The following NCOA5 variants were observed in gnomAD, a reference collection of about 807,000 sequenced individuals.
NCOA5 encodes the protein NCoA-5.
Under a neutral mutation model 59.0 loss-of-function variants are expected in NCOA5, and 12 were observed. That is an observed-to-expected ratio of 0.20 (90% CI 0.13 to 0.33). The LOEUF is 0.33. NCOA5 is among the 10% of genes least tolerant of loss of function. The probability of loss-of-function intolerance (pLI) is 1.00; values close to 1 mark genes in which losing one functional copy is unlikely to be tolerated. For synonymous variants in NCOA5, 270 were observed against 275.5 expected, an observed-to-expected ratio of 0.98 and a Z score of 0.20; for missense variants, 655 against 766.6, an observed-to-expected ratio of 0.85 and a Z score of 1.72.
chr20:46,068,527 G>T lies in NCOA5; in HGVS notation c.477C>A (p.Gly159=). The T allele has an allele frequency of 6.2e-7, 1 of 1,612,976 alleles. No homozygotes were observed. Among genetic ancestry groups the T allele is most frequent in the Non-Finnish European group, 8.5e-7 (1 of 1,179,580 alleles). The change falls in exon 4 of 8, where the codon GGC becomes GGA. Residue 159 remains glycine (G), a synonymous_variant. Coordinates refer to ENST00000290231, the MANE Select transcript of NCOA5 (RefSeq NM_020967.3). ...CTTTTGCACGAGACTGACTTTCTGG[G>T]CCTGGAGGGCCCCGTCCATCAAAGC... ...RDSFDGRGPP[G]PESQSRAKER...
At chr20:46,077,080 G>A (rs909140724) in intron 2 of NCOA5, among the ~76,000 whole-genome samples, 1 of 152,078 alleles carries the variant, frequency 6.6e-6, no homozygotes, top group Non-Finnish European at 1.5e-5. Context: ...ATGACGCCCG[G>A]CTATTTTTTT....
At chr20:46,077,927 T>C (rs2084955221) in intron 2 of NCOA5, among the ~76,000 whole-genome samples, 1 of 152,182 alleles carries the variant, frequency 6.6e-6, no homozygotes, top group African/African-American at 2.4e-5. Context: ...TTCTGCAGGA[T>C]TTGTTTATGT....
At chr20:46,088,628 C>G (rs747135367) in intron 1 of NCOA5, among the ~76,000 whole-genome samples, 1 of 152,184 alleles carries the variant, frequency 6.6e-6, no homozygotes, top group African/African-American at 2.4e-5. Context: ...TCAGGCACAC[C>G]GGGTGCACCT....
At chr20:46,089,329 G>A (rs1049057091) in intron 1 of NCOA5, among the ~76,000 whole-genome samples, 1 of 152,240 alleles carries the variant, frequency 6.6e-6, no homozygotes, top group African/African-American at 2.4e-5. Flanking sequence ...AGACGGTGGC[G>A]GGGGACAGCG....
intron 6 of NCOA5, 29 bp downstream of exon 6, chr20:46,065,000 T>C (rs1476430713): frequency 1.2e-6 from 2 of 1,612,114 alleles, no homozygotes. Context: ...AATGGACTAG[T>C]GACTACCTCC....
chr20:46,074,254 A>G (rs2084913225), intron 2 of NCOA5, among the ~76,000 whole-genome samples: 1 of 152,192 alleles, frequency 6.6e-6, no homozygotes, highest in Non-Finnish European at 1.5e-5. Flanking sequence ...ACAGCTAACA[A>G]AAGGGCAGTA....
intron 2 of NCOA5, among the ~76,000 whole-genome samples, chr20:46,071,183 C>A (rs1244038613): frequency 2.0e-5 from 3 of 147,834 alleles, no homozygotes; most frequent in Non-Finnish European, 4.5e-5. Flanking sequence ...AAAAAACAAC[C>A]TGAACAGTGA....
rs770951180 is a variant in NCOA5 at position 46,070,547 on chromosome 20, T to G, written c.39-11A>C. The stretch of plus-strand genomic sequence containing the variant: ...AAGCCATATGGATCCCTGTGGGAGG[T>G]AGCAAGAAAATGCTAAGACAAAGAA... On this transcript the variant is annotated splice_polypyrimidine_tract_variant and intron_variant, in intron 2 of 7. Coordinates refer to ENST00000290231, the MANE Select transcript of NCOA5 (RefSeq NM_020967.3). The G allele has an allele frequency of 1.9e-6, 3 of 1,606,790 alleles. No homozygotes were observed. Among genetic ancestry groups the G allele is most frequent in the South Asian group, 2.2e-5 (2 of 90,956 alleles).
chr20:46,084,867 C>G (rs2085030230), intron 1 of NCOA5, among the ~76,000 whole-genome samples: 1 of 152,146 alleles, frequency 6.6e-6, no homozygotes, highest in Non-Finnish European at 1.5e-5. Context: ...AAATTTTCAA[C>G]TAAACTGTAC....
chr20:46,083,462 ATTT>A (rs1273344094), intron 1 of NCOA5, among the ~76,000 whole-genome samples: 1 of 152,192 alleles, frequency 6.6e-6, no homozygotes, highest in African/African-American at 2.4e-5. Flanking sequence ...CACTTGTTCT[ATTT>A]TATAGAATGA....
At chr20:46,075,921 C>A (rs2145542369) in intron 2 of NCOA5, among the ~76,000 whole-genome samples, 2 of 152,202 alleles carry the variant, frequency 1.3e-5, no homozygotes, top group Middle Eastern at 6.8e-3. Context: ...CTTGGCTGGG[C>A]CAATATTGTC....
intron 2 of NCOA5, among the ~76,000 whole-genome samples, chr20:46,073,702 G>C (rs1331885412): frequency 6.6e-6 from 1 of 152,206 alleles, no homozygotes; most frequent in Non-Finnish European, 1.5e-5. Flanking sequence ...CCTTGGGCTG[G>C]TGGAAATCGG....
At chr20:46,074,563 A>T (rs1600626399) in intron 2 of NCOA5, among the ~76,000 whole-genome samples, 1 of 152,192 alleles carries the variant, frequency 6.6e-6, no homozygotes, top group Admixed American at 6.5e-5. Context: ...CAGGAGGGGG[A>T]AAAAGGCAAA....
In NCOA5 at chr20:46,068,541, G is replaced by A. The variant is rs1329477360; in HGVS notation, c.463C>T (p.Arg155Trp). Residue 155 changes from arginine to tryptophan, a missense_variant, in exon 4 of 8, where the codon CGG becomes TGG. Arg to Trp is a moderately radical substitution (Grantham distance 101). Coordinates refer to ENST00000290231, the MANE Select transcript of NCOA5 (RefSeq NM_020967.3). The stretch of plus-strand genomic sequence containing the variant: ...TGACTTTCTGGGCCTGGAGGGCCCC[G>A]TCCATCAAAGCTATCTCTGTAACGG... ...FDRYRDSFDG[R>W]GPPGPESQSR... The A allele has an allele frequency of 6.8e-6, 11 of 1,613,424 alleles. No homozygotes were observed. The highest frequency in any genetic ancestry group is 3.3e-5 in the South Asian group (3 of 90,910).
At chr20:46,088,622 G>A (rs1352501513) in intron 1 of NCOA5, among the ~76,000 whole-genome samples, 1 of 152,172 alleles carries the variant, frequency 6.6e-6, no homozygotes, top group Non-Finnish European at 1.5e-5. Flanking sequence ...GAAAATTCAG[G>A]CACACCGGGT....
At chr20:46,070,174 C>G (rs1413873705) in intron 3 of NCOA5, 36 bp downstream of exon 3, 1 of 1,543,266 alleles carries the variant, frequency 6.5e-7, no homozygotes, top group Admixed American at 1.7e-5. Context: ...ATAAAAAGAA[C>G]TCAGGAAAAA....
rs534373737 is a variant in NCOA5, at chr20:46,070,605, T to C, written c.39-69A>G. Reference sequence around the variant, plus strand: ...GTAGCCAACCCATCAGCTCTTCATATGAGAAAACCCCCACCCTCCAAGCAT... The same window carrying C: ...GTAGCCAACCCATCAGCTCTTCATACGAGAAAACCCCCACCCTCCAAGCAT... On this transcript the variant is annotated intron_variant, in intron 2 of 7. Transcript: ENST00000290231. 2.8e-6 allele frequency: 4 copies of C among 1,452,838 alleles called. No individual in the cohort carries two copies. In the Admixed American group the frequency reaches 7.5e-5, roughly 27 times the overall value. The allele number at this position is 1,452,838 out of a possible 1,614,324, so 90.0% of individuals were successfully genotyped here. A position where few individuals can be genotyped will look rare whatever the true frequency, so the allele number is the denominator to read the frequency against.
At chr20:46,088,452 T>C (rs1488284669) in intron 1 of NCOA5, among the ~76,000 whole-genome samples, 1 of 152,252 alleles carries the variant, frequency 6.6e-6, no homozygotes, top group Non-Finnish European at 1.5e-5. Context: ...TGGGCTTTAC[T>C]GGTTGCAAAA....
At chr20:46,087,033 GA>G (rs2085052566) in intron 1 of NCOA5, among the ~76,000 whole-genome samples, 1 of 152,186 alleles carries the variant, frequency 6.6e-6, no homozygotes, top group African/African-American at 2.4e-5. Flanking sequence ...TCTGGGGCAA[GA>G]AATCTAACCT....
Sources: allele counts gnomAD v4.1 joint callset (sites outside exome capture counted in the v4.1 genomes callset), GRCh38; gene constraint gnomAD v4.1.1; transcripts MANE v1.5; gene names NCBI Gene and HGNC (gene_info 2026-07-23, HGNC 2026-07-21).